Variants in BFSP2 observed in about 807,000 individuals in gnomAD.
The protein encoded by BFSP2 is beaded filament structural protein 2.
BFSP2 carries 38 observed loss-of-function variants against 44.9 expected under a neutral mutation model. The observed-to-expected ratio is 0.85, with a 90% CI of 0.65 to 1.11. The LOEUF is 1.11. BFSP2 is among the 50% of genes least tolerant of loss of function. The pLI, the probability that BFSP2 is intolerant of heterozygous loss-of-function variation, is 0.00. For missense variants in BFSP2, 525 were observed against 533.0 expected (o/e 0.99, Z 0.15); for synonymous variants, 197 against 209.9 (o/e 0.94, Z 0.53).
At chr3:133,422,042 G>T (rs185892075) in intron 1 of BFSP2, among the ~76,000 whole-genome samples, 1 of 147,324 alleles carries the variant, frequency 6.8e-6, no homozygotes, top group East Asian at 2.0e-4. Context: ...GGGAGGCAGA[G>T]GTTGCAGTGA....
intron 1 of BFSP2, chr3:133,410,529 T>C (rs564913424): frequency 1.0e-4 from 29 of 277,452 alleles, no homozygotes; most frequent in Middle Eastern, 1.0e-3. Flanking sequence ...ATATCAGCGC[T>C]CCAAATCACC....
intron 1 of BFSP2, among the ~76,000 whole-genome samples, chr3:133,418,262 T>C (rs994979082): frequency 6.6e-6 from 1 of 152,116 alleles, no homozygotes; most frequent in African/African-American, 2.4e-5. Flanking sequence ...TTTCATCATC[T>C]TCATTCCCAC....
chr3:133,447,374 G>A lies in BFSP2; in HGVS notation c.547G>A (p.Ala183Thr). 1 of 1,613,992 alleles carries A rather than the reference G, an allele frequency of 6.2e-7. No homozygotes were observed. Among genetic ancestry groups the A allele is most frequent in the South Asian group, 1.1e-5 (1 of 91,056 alleles). Reference protein sequence around the residue: ...RLMLQTETIQAGADDFKERYE... With the variant: ...RLMLQTETIQTGADDFKERYE... ...CATGCTGCAGACAGAAACTATCCAG[G>A]CCGGAGCAGATGACTTTAAAGAGAG... The change falls in exon 2 of 7, where the codon GCC becomes ACC. Residue 183 changes from alanine to threonine, a missense_variant. By Grantham distance (58) the Ala-to-Thr change is moderately conservative (BLOSUM62 0). Transcript: ENST00000302334.
intron 1 of BFSP2, among the ~76,000 whole-genome samples, chr3:133,428,664 G>A (rs912683110): frequency 6.6e-6 from 1 of 152,182 alleles, no homozygotes. Flanking sequence ...GAGGAAAGTC[G>A]GGGATAACTG....
intron 1 of BFSP2, among the ~76,000 whole-genome samples, chr3:133,417,482 C>T (rs1454072352): frequency 2.2e-5 from 3 of 134,716 alleles, no homozygotes; most frequent in African/African-American, 5.7e-5. Context: ...CTCCCCTCTA[C>T]TCACCCCTGC....
Position 133,474,948 on chromosome 3 carries a change from C to G in BFSP2, c.1245-21C>G, listed in dbSNP as rs528658244. 2.5e-4 allele frequency: 402 copies of G among 1,614,114 alleles called. 3 individuals carry two copies. The South Asian group carries it at 4.1e-3, about 17-fold the overall frequency. On this transcript the variant is annotated intron_variant, in intron 6 of 6. Coordinates refer to ENST00000302334, the MANE Select transcript of BFSP2 (RefSeq NM_003571.4). ...GATTTTCCTCACCCATTGCTTCTGA[C>G]TCCTATGTGTTTCCTTTCAGCTGAT... is the stretch of plus-strand genomic sequence containing the variant.
intron 4 of BFSP2, among the ~76,000 whole-genome samples, chr3:133,451,214 TAGA>T (rs1457577294): frequency 2.0e-5 from 3 of 151,814 alleles, no homozygotes; most frequent in Non-Finnish European, 4.4e-5. Flanking sequence ...CATTTACTAG[TAGA>T]AGAAAATCTA....
chr3:133,438,527 T>G (rs1482471197), intron 1 of BFSP2, among the ~76,000 whole-genome samples: 2 of 151,918 alleles, frequency 1.3e-5, no homozygotes. Context: ...AGAGTGGGAC[T>G]CCATCTCAGA....
At chr3:133,472,775 C>A (rs991649253) in intron 6 of BFSP2, among the ~76,000 whole-genome samples, 1 of 152,056 alleles carries the variant, frequency 6.6e-6, no homozygotes, top group African/African-American at 2.4e-5. Context: ...AATACATTTT[C>A]TATATGTATG....
intron 4 of BFSP2, among the ~76,000 whole-genome samples, chr3:133,463,809 C>G (rs1291633851): frequency 6.6e-6 from 1 of 152,166 alleles, no homozygotes; most frequent in African/African-American, 2.4e-5. Context: ...TGACCATCAC[C>G]TGATGGTCAC....
chr3:133,448,709 G>A (rs1576586737), intron 3 of BFSP2, 64 bp downstream of exon 3: 2 of 1,583,746 alleles, frequency 1.3e-6, no homozygotes, highest in East Asian at 4.5e-5. Context: ...GTCTGCCTGT[G>A]CTTCATAACA....
chr3:133,410,646 A>G (rs944223799), intron 1 of BFSP2: 2 of 296,528 alleles, frequency 6.7e-6, no homozygotes, highest in South Asian at 4.1e-5. Context: ...GTTCAGTTCA[A>G]TGTTACAGAA....
chr3:133,406,762 A>G (rs971887467), intron 1 of BFSP2, among the ~76,000 whole-genome samples: 9 of 152,248 alleles, frequency 5.9e-5, no homozygotes, highest in African/African-American at 2.2e-4. Context: ...AGTAGTCAAT[A>G]TGATTAGACA....
At chr3:133,412,869 G>C (rs2073470064) in intron 1 of BFSP2, among the ~76,000 whole-genome samples, 1 of 152,240 alleles carries the variant, frequency 6.6e-6, no homozygotes, top group Non-Finnish European at 1.5e-5. Context: ...ACAGGAAGCG[G>C]CTGCAATGTC....
At chr3:133,438,087 T>G (rs1457052289) in intron 1 of BFSP2, among the ~76,000 whole-genome samples, 1 of 152,216 alleles carries the variant, frequency 6.6e-6, no homozygotes, top group African/African-American at 2.4e-5. Flanking sequence ...AGTTCTATTA[T>G]TTAAAGTGAT....
intron 1 of BFSP2, among the ~76,000 whole-genome samples, chr3:133,409,612 G>A (rs1019975403): frequency 4.6e-5 from 7 of 152,136 alleles, no homozygotes; most frequent in African/African-American, 1.4e-4. Flanking sequence ...TATTCAAGAC[G>A]AGTCTGAAAC....
chr3:133,407,244 T>A (rs967165291), intron 1 of BFSP2, among the ~76,000 whole-genome samples: 2 of 152,116 alleles, frequency 1.3e-5, no homozygotes, highest in Non-Finnish European at 2.9e-5. Flanking sequence ...GCTATTTATA[T>A]ATAAACAAAA....
chr3:133,417,562 A>G, intron 1 of BFSP2, among the ~76,000 whole-genome samples: 1 of 37,636 alleles, frequency 2.7e-5, no homozygotes, highest in Non-Finnish European at 5.1e-5. Flanking sequence ...TCTCCCTTCT[A>G]CTCTCCTCTC....
At chr3:133,421,203 C>T (rs934675290) in intron 1 of BFSP2, among the ~76,000 whole-genome samples, 3 of 152,204 alleles carry the variant, frequency 2.0e-5, no homozygotes, top group Non-Finnish European at 4.4e-5. Flanking sequence ...GGAAGTGCCC[C>T]ACAAAGTAAT....
Sources: gnomAD v4.1 joint callset for allele counts (sites outside exome capture counted in the v4.1 genomes callset) on GRCh38, gnomAD v4.1.1 for gene constraint, MANE v1.5 for transcripts, NCBI Gene and HGNC (gene_info 2026-07-23, HGNC 2026-07-21) for gene names.